OR10J1: variants seen among roughly 807,000 people sequenced by gnomAD.
OR10J1 encodes olfactory receptor 10J1.
For missense variants in OR10J1, 474 were observed against 376.6 expected (o/e 1.26, Z -2.14); for synonymous variants, 202 against 143.8 (o/e 1.40, Z -2.89).
chr1:159,439,110 G>C (rs536830902), upstream of OR10J1, among the ~76,000 whole-genome samples: 77 of 152,298 alleles, frequency 5.1e-4, 1 homozygote, highest in Middle Eastern at 6.8e-3. Context: ...AGACAGAAGT[G>C]GGGAGAGGCT....
the OR10J1 span, chr1:159,406,314 G>A: frequency 4.0e-6 from 2 of 502,926 alleles, no homozygotes; most frequent in Admixed American, 2.1e-5. Context: ...ACCTGAAGCT[G>A]GAGAAACCTT....
the OR10J1 span, among the ~76,000 whole-genome samples, chr1:159,405,245 C>T: frequency 6.6e-6 from 1 of 152,138 alleles, no homozygotes; most frequent in Non-Finnish European, 1.5e-5. Context: ...TAGAATAACA[C>T]ATCTGAAGCT....
At chr1:159,403,682 C>A in the OR10J1 span, among the ~76,000 whole-genome samples, 1 of 152,230 alleles carries the variant, frequency 6.6e-6, no homozygotes, top group East Asian at 1.9e-4. Context: ...TAAATTAGCA[C>A]AACCATTATG....
chr1:159,418,449 G>A, the OR10J1 span, among the ~76,000 whole-genome samples: 1 of 152,178 alleles, frequency 6.6e-6, no homozygotes, highest in Non-Finnish European at 1.5e-5. Context: ...TTCAGATGGT[G>A]CAATCCCCAT....
At chr1:159,432,279 C>T in the OR10J1 span, 1 of 401,176 alleles carries the variant, frequency 2.5e-6, no homozygotes, top group Non-Finnish European at 4.4e-6. Flanking sequence ...GCATCACAGA[C>T]TCATCCTCTT....
At chr1:159,398,233 A>G in the OR10J1 span, among the ~76,000 whole-genome samples, 1 of 152,184 alleles carries the variant, frequency 6.6e-6, no homozygotes, top group African/African-American at 2.4e-5. Flanking sequence ...TTAAATCACA[A>G]CACCCAAGTC....
chr1:159,435,073 A>G (rs972159965), upstream of OR10J1, among the ~76,000 whole-genome samples: 2 of 152,188 alleles, frequency 1.3e-5, no homozygotes, highest in African/African-American at 2.4e-5. Context: ...CTTCCTGGAT[A>G]TACCCAGGAC....
At position 159,440,393 on chromosome 1, in the gene OR10J1, T is replaced by C. The variant is rs200283580; in HGVS notation, c.602T>C (p.Ile201Thr). 39 of 1,614,058 alleles carry C rather than the reference T, an allele frequency of 2.4e-5. No individual in the cohort carries two copies. Among genetic ancestry groups the C allele is most frequent in the Admixed American group, 5.0e-5 (3 of 60,000 alleles). The change falls in exon 1 of 1, where the codon ATC (isoleucine) becomes ACC (threonine). Residue 201 changes from isoleucine to threonine, a missense_variant. By Grantham distance (89) the Ile-to-Thr change is moderately conservative. Transcript: ENST00000423932. Reference protein sequence around the residue: ...TTVNEILTLIISVLVLVVPMG... With the variant: ...TTVNEILTLITSVLVLVVPMG... ...GTCAATGAAATCCTGACTTTGATTA[T>C]CAGTGTGCTGGTGCTTGTTGTACCT...
At chr1:159,402,901 A>G in the OR10J1 span, among the ~76,000 whole-genome samples, 22 of 152,286 alleles carry the variant, frequency 1.4e-4, no homozygotes, top group South Asian at 4.4e-3. Context: ...TACTAGTGTC[A>G]TAAAAACAAA....
chr1:159,408,549 G>T, the OR10J1 span, among the ~76,000 whole-genome samples: 1 of 151,410 alleles, frequency 6.6e-6, no homozygotes, highest in East Asian at 2.0e-4. Context: ...GCACCAGCAT[G>T]GCACATGTAT....
upstream of OR10J1, among the ~76,000 whole-genome samples, chr1:159,436,005 C>A (rs145965760): frequency 6.6e-6 from 1 of 152,242 alleles, no homozygotes; most frequent in East Asian, 1.9e-4. Context: ...TATTTGGAGG[C>A]CTATGTGAGA....
the OR10J1 span, among the ~76,000 whole-genome samples, chr1:159,425,322 T>A: frequency 8.7e-4 from 132 of 152,160 alleles, no homozygotes; most frequent in African/African-American, 3.1e-3. Context: ...TCCAGCACTA[T>A]AATCATGCAG....
At chr1:159,416,820 G>T in the OR10J1 span, among the ~76,000 whole-genome samples, 1 of 151,978 alleles carries the variant, frequency 6.6e-6, no homozygotes, top group African/African-American at 2.4e-5. Context: ...TAGGTGATAT[G>T]AGTCTAGAAA....
At chr1:159,428,724 G>A in the OR10J1 span, among the ~76,000 whole-genome samples, 5 of 152,120 alleles carry the variant, frequency 3.3e-5, no homozygotes, top group Non-Finnish European at 5.9e-5. Flanking sequence ...ATGAGCTCAA[G>A]TACTTCCAGT....
upstream of OR10J1, chr1:159,433,029 T>C (rs558111649): frequency 6.7e-6 from 3 of 446,748 alleles, no homozygotes; most frequent in South Asian, 2.4e-4. Context: ...CTTATCTCTG[T>C]GACATACACT....
the OR10J1 span, among the ~76,000 whole-genome samples, chr1:159,412,277 G>C: frequency 1.3e-5 from 2 of 151,662 alleles, no homozygotes; most frequent in African/African-American, 2.4e-5. Context: ...GTAATTTACA[G>C]ATTCAATGCC....
the OR10J1 span, among the ~76,000 whole-genome samples, chr1:159,406,870 T>C: frequency 6.6e-6 from 1 of 152,264 alleles, no homozygotes; most frequent in South Asian, 2.1e-4. Context: ...AGATCAAGCA[T>C]TCTTCCCAAA....
chr1:159,407,699 G>T, the OR10J1 span, among the ~76,000 whole-genome samples: 5 of 152,060 alleles, frequency 3.3e-5, no homozygotes, highest in African/African-American at 1.2e-4. Context: ...TATGAAATCA[G>T]TGATAAAATT....
the OR10J1 span, among the ~76,000 whole-genome samples, chr1:159,399,930 C>T: frequency 1.3e-5 from 2 of 152,002 alleles, no homozygotes; most frequent in African/African-American, 2.4e-5. Flanking sequence ...TTTGTTTATG[C>T]AAATAGTGTT....
Sources: gnomAD v4.1 joint callset for allele counts (sites outside exome capture counted in the v4.1 genomes callset) on GRCh38, gnomAD v4.1.1 for gene constraint, MANE v1.5 for transcripts, NCBI Gene and HGNC (gene_info 2026-07-23, HGNC 2026-07-21) for gene names.